Variants in RIMS2 observed in about 807,000 individuals in gnomAD.
The protein encoded by RIMS2 is regulating synaptic membrane exocytosis protein 2.
Under a neutral mutation model 174.4 loss-of-function variants are expected in RIMS2, and 59 were observed. The ratio of observed to expected loss-of-function variants is 0.34; its 90% CI spans 0.27 to 0.42. The LOEUF (loss-of-function observed/expected upper bound fraction) is 0.42. Among genes scored for constraint, RIMS2 ranks in the 10% least tolerant of loss-of-function variants. The probability of loss-of-function intolerance (pLI) is 1.00; values close to 1 mark genes in which losing one functional copy is unlikely to be tolerated. For missense variants in RIMS2, 1,620 were observed against 1,666.3 expected, an observed-to-expected ratio of 0.97 and a Z score of 0.48; for synonymous variants, 606 against 572.5, an observed-to-expected ratio of 1.06 and a Z score of -0.84.
At chr8:103,677,223 T>A (rs1590152471) in intron 1 of RIMS2, among the ~76,000 whole-genome samples, 1 of 152,096 alleles carries the variant, frequency 6.6e-6, no homozygotes, top group East Asian at 1.9e-4. Context: ...CTTGATCAAC[T>A]TAGCCAATGA....
At chr8:103,551,221 T>A (rs1847738161) in intron 1 of RIMS2, among the ~76,000 whole-genome samples, 2 of 152,102 alleles carry the variant, frequency 1.3e-5, no homozygotes, top group Admixed American at 6.5e-5. Flanking sequence ...GCAAACTGAA[T>A]CCAGCAGCAC....
chr8:104,208,523 G>A (rs1458246976), intron 19 of RIMS2, among the ~76,000 whole-genome samples: 6 of 151,532 alleles, frequency 4.0e-5, no homozygotes, highest in Non-Finnish European at 7.4e-5. Context: ...ATCCGAGATC[G>A]AGCCACTGCA....
At chr8:103,947,000 T>C (rs1171420976) in intron 14 of RIMS2, among the ~76,000 whole-genome samples, 1 of 152,166 alleles carries the variant, frequency 6.6e-6, no homozygotes, top group Admixed American at 6.5e-5. Context: ...GAATAGTTTT[T>C]TGTTGTTGTT....
At chr8:103,526,718 GA>G (rs1834162339) in intron 1 of RIMS2, among the ~76,000 whole-genome samples, 1 of 152,146 alleles carries the variant, frequency 6.6e-6, no homozygotes, top group South Asian at 2.1e-4. Flanking sequence ...GGAGAAATGA[GA>G]AAATATGTGT....
chr8:103,836,858 G>A (rs1171221618), intron 3 of RIMS2, among the ~76,000 whole-genome samples: 2 of 152,146 alleles, frequency 1.3e-5, no homozygotes, highest in Non-Finnish European at 2.9e-5. Context: ...ATTCTTATTT[G>A]TATTTTTTAG....
intron 1 of RIMS2, among the ~76,000 whole-genome samples, chr8:103,630,672 A>G (rs149111776): frequency 2.6e-5 from 4 of 152,164 alleles, no homozygotes; most frequent in African/African-American, 9.6e-5. Context: ...ACACACACAC[A>G]AACACACACA....
intron 1 of RIMS2, among the ~76,000 whole-genome samples, chr8:103,581,935 C>T (rs1187999046): frequency 6.6e-6 from 1 of 152,216 alleles, no homozygotes; most frequent in Non-Finnish European, 1.5e-5. Context: ...ATGCAACATA[C>T]TGAGACACCA....
intron 1 of RIMS2, among the ~76,000 whole-genome samples, chr8:103,595,297 C>T (rs997090655): frequency 6.6e-6 from 1 of 151,752 alleles, no homozygotes; most frequent in Non-Finnish European, 1.5e-5. Flanking sequence ...AACACATATT[C>T]TAGTTTATGT....
At chr8:103,797,106 C>G (rs552633457) in intron 3 of RIMS2, among the ~76,000 whole-genome samples, 10 of 152,062 alleles carry the variant, frequency 6.6e-5, no homozygotes, top group African/African-American at 2.4e-4. Flanking sequence ...GAAGAGCACT[C>G]TAGGCAGAGA....
At chr8:103,971,934 T>G (rs539325659) in intron 15 of RIMS2, among the ~76,000 whole-genome samples, 2 of 152,272 alleles carry the variant, frequency 1.3e-5, no homozygotes, top group African/African-American at 4.8e-5. Flanking sequence ...ATTTTTGCTC[T>G]TTTTTTGCTT....
At chr8:103,889,639 AT>A (rs150216345) in intron 4 of RIMS2, among the ~76,000 whole-genome samples, 20,935 of 150,748 alleles carry the variant, frequency 0.14, 1,649 homozygotes, top group Middle Eastern at 0.24. Context: ...ACTCTACCTA[AT>A]TTTTTTTTCT....
At chr8:103,789,148 C>G (rs2098472703) in intron 3 of RIMS2, among the ~76,000 whole-genome samples, 1 of 152,092 alleles carries the variant, frequency 6.6e-6, no homozygotes, top group Non-Finnish European at 1.5e-5. Context: ...GGTGCGCGCA[C>G]CCACTGACCT....
chr8:103,926,653 C>G (rs1264412954), intron 10 of RIMS2, among the ~76,000 whole-genome samples: 1 of 151,412 alleles, frequency 6.6e-6, no homozygotes, highest in African/African-American at 2.4e-5. Context: ...AAGAGAGAAG[C>G]CTTTAACTAT....
intron 3 of RIMS2, among the ~76,000 whole-genome samples, chr8:103,881,467 G>A (rs1475454908): frequency 6.6e-6 from 1 of 151,442 alleles, no homozygotes; most frequent in East Asian, 1.9e-4. Context: ...TTAATTTATG[G>A]CATGTAAACC....
chr8:103,505,294 T>G (rs1307974463), intron 1 of RIMS2, among the ~76,000 whole-genome samples: 3 of 152,188 alleles, frequency 2.0e-5, no homozygotes, highest in Non-Finnish European at 4.4e-5. Context: ...TCTGTATATG[T>G]GTGTATGTGT....
intron 3 of RIMS2, among the ~76,000 whole-genome samples, chr8:103,812,095 TG>T (rs904830838): frequency 3.9e-5 from 6 of 152,196 alleles, no homozygotes; most frequent in South Asian, 2.1e-4. Flanking sequence ...GAAAACAGCA[TG>T]TTTTTTTTCA....
chr8:103,620,365 ATTACTT>A (rs538568231), intron 1 of RIMS2, among the ~76,000 whole-genome samples: 10 of 151,998 alleles, frequency 6.6e-5, no homozygotes, highest in Non-Finnish European at 1.2e-4. Context: ...TCAACACCAA[ATTACTT>A]TTAATTCTTG....
intron 3 of RIMS2, among the ~76,000 whole-genome samples, chr8:103,778,257 G>T (rs944092034): frequency 1.3e-5 from 2 of 151,938 alleles, no homozygotes; most frequent in African/African-American, 4.8e-5. Flanking sequence ...TTATCTTTAT[G>T]CTGGTAATAT....
At chr8:103,976,094 C>T (rs2093395577) in intron 16 of RIMS2, 1 of 152,342 alleles carries the variant, frequency 6.6e-6, no homozygotes, top group East Asian at 1.9e-4. Context: ...TCATTCCATT[C>T]AAGTTGACAC....
Sources: gnomAD v4.1 joint callset for allele counts (sites outside exome capture counted in the v4.1 genomes callset) on GRCh38, gnomAD v4.1.1 for gene constraint, MANE v1.5 for transcripts, NCBI Gene and HGNC (gene_info 2026-07-23, HGNC 2026-07-21) for gene names.